The following CERS6 variants were observed in gnomAD, a reference collection of about 807,000 sequenced individuals.
CERS6 encodes the protein ceramide synthase 6.
Under a neutral mutation model 56.8 loss-of-function variants are expected in CERS6, and 26 were observed. The observed-to-expected ratio is 0.46, with a 90% CI of 0.34 to 0.63. CERS6 has a LOEUF of 0.63. Ranked by LOEUF, CERS6 falls within the 30% of genes least tolerant of loss-of-function variation. The probability of loss-of-function intolerance (pLI) is 0.01; values close to 1 mark genes in which losing one functional copy is unlikely to be tolerated. For missense variants in CERS6, 415 were observed against 467.5 expected (o/e 0.89, Z 1.04); for synonymous variants, 164 against 173.3 (o/e 0.95, Z 0.42).
chr2:168,762,372 T>C (rs1425616398), intron 8 of CERS6, among the ~76,000 whole-genome samples: 1 of 152,148 alleles, frequency 6.6e-6, no homozygotes. Context: ...TCCAGAATAG[T>C]GTTAAATAAT....
rs1322954867 is a variant in CERS6, at chr2:168,601,564, T to G, written c.408-29421T>G. 2.0e-5 allele frequency among the ~76,000 whole-genome samples: 3 copies of G among 152,190 alleles called. No individual in the cohort carries two copies. In the East Asian group the frequency reaches 5.8e-4, roughly 29 times the overall value. Reference sequence around the variant, plus strand: ...CAGTTTCTTGGCCTTATCTTTTTTTTTTTTTGAGACAGTCTCGCTCTGTCG... The same window carrying G: ...CAGTTTCTTGGCCTTATCTTTTTTTGTTTTTGAGACAGTCTCGCTCTGTCG... On this transcript the variant is annotated intron_variant, in intron 3 of 9. Coordinates refer to ENST00000305747, the MANE Select transcript of CERS6 (RefSeq NM_203463.3).
rs188637526 is a variant in CERS6, at chr2:168,521,400, T to C, written c.171-26196T>C. On this transcript the variant is annotated intron_variant, in intron 1 of 9. Coordinates refer to ENST00000305747, the MANE Select transcript of CERS6 (RefSeq NM_203463.3). ...GATAACGCCTACCCTGTAAGCTTGA[T>C]AGATTTGTCATGAGTTGATAGATTT... is the stretch of plus-strand genomic sequence containing the variant. 6.8e-3 allele frequency among the ~76,000 whole-genome samples: 1,034 copies of C among 152,278 alleles called. 9 individuals carry two copies. Among genetic ancestry groups the C allele is most frequent in the Middle Eastern group, 0.017 (5 of 294 alleles).
intron 3 of CERS6, among the ~76,000 whole-genome samples, chr2:168,569,338 A>T (rs1253080417): frequency 6.6e-6 from 1 of 152,190 alleles, no homozygotes; most frequent in African/African-American, 2.4e-5. Context: ...TAGGGCTTCA[A>T]CGTATGTGTT....
At chr2:168,760,743 T>C (rs981723593) in intron 8 of CERS6, among the ~76,000 whole-genome samples, 3 of 123,800 alleles carry the variant, frequency 2.4e-5, no homozygotes, top group East Asian at 4.5e-4. Flanking sequence ...TGTTTGTTTA[T>C]TTATTTATTT....
In CERS6 at chr2:168,525,291, A is replaced by G. The variant is rs535845397; in HGVS notation, c.171-22305A>G. Among the ~76,000 whole-genome samples the G allele has an allele frequency of 8.9e-4, 136 of 152,372 alleles. 1 individual carries two copies. The highest frequency in any genetic ancestry group is 6.2e-3 in the South Asian group (30 of 4,830). On this transcript the variant is annotated intron_variant, in intron 1 of 9. Transcript: ENST00000305747. ...GTTGTTGATTTAGTAGGGCTGGGAC[A>G]GGTCCCCAGAATTTGTATTTTTATC...
intron 1 of CERS6, among the ~76,000 whole-genome samples, chr2:168,535,475 G>A (rs1034980061): frequency 1.6e-4 from 25 of 151,998 alleles, no homozygotes; most frequent in Non-Finnish European, 2.9e-4. Flanking sequence ...CAGGTGGGCC[G>A]CCATACCACA....
At chr2:168,761,014 C>G (rs1337457344) in intron 8 of CERS6, among the ~76,000 whole-genome samples, 1 of 152,158 alleles carries the variant, frequency 6.6e-6, no homozygotes, top group Non-Finnish European at 1.5e-5. Flanking sequence ...GCCTCGGCCT[C>G]CCAAAGTGCT....
At chr2:168,565,048 AT>A (rs1695860307) in intron 3 of CERS6, among the ~76,000 whole-genome samples, 1 of 152,232 alleles carries the variant, frequency 6.6e-6, no homozygotes, top group Non-Finnish European at 1.5e-5. Context: ...CTGCCTTAGC[AT>A]AAAATTTGTC....
chr2:168,555,722 CTGTGTGTGTGTGTGTGTG>C (rs58781728), intron 2 of CERS6, among the ~76,000 whole-genome samples: 9 of 141,012 alleles, frequency 6.4e-5, no homozygotes, highest in South Asian at 2.3e-4. Context: ...ATAATTGACT[CTGTGTGTGTGTGTGTGTG>C]TGTGTGTGTG....
chr2:168,645,137 AT>A (rs1685156746), intron 4 of CERS6, among the ~76,000 whole-genome samples: 1 of 43,922 alleles, frequency 2.3e-5, no homozygotes, highest in Non-Finnish European at 4.0e-5. Context: ...ATATATATAT[AT>A]ATATAGAGAG....
intron 3 of CERS6, among the ~76,000 whole-genome samples, chr2:168,607,731 G>C (rs190371991): frequency 3.9e-5 from 6 of 152,036 alleles, no homozygotes; most frequent in Non-Finnish European, 5.9e-5. Flanking sequence ...GTCTTTTCAG[G>C]GGTTAATAAA....
At chr2:168,743,073 C>G (rs1173125529) in intron 8 of CERS6, among the ~76,000 whole-genome samples, 2 of 151,972 alleles carry the variant, frequency 1.3e-5, no homozygotes, top group Non-Finnish European at 2.9e-5. Flanking sequence ...GCTCCAGAGC[C>G]TCACACTACT....
chr2:168,593,138 T>C (rs1235022887), intron 3 of CERS6, among the ~76,000 whole-genome samples: 2 of 152,226 alleles, frequency 1.3e-5, no homozygotes, highest in Non-Finnish European at 2.9e-5. Flanking sequence ...TTCTGTTGCC[T>C]CCTTTTTTCC....
Position 168,721,360 on chromosome 2 carries a change from CAG to C in CERS6, c.845+3384_845+3385del, listed in dbSNP as rs1187267955. ...TTTTATTTATCCATTCATGAGGTGA[CAG>C]ACTTCAGGATTGTTTCCATTGTTTG... On this transcript the variant is annotated intron_variant, in intron 8 of 9. Coordinates refer to ENST00000305747, the MANE Select transcript of CERS6 (RefSeq NM_203463.3). Among the ~76,000 whole-genome samples the C allele has an allele frequency of 1.3e-5, 2 of 151,952 alleles. 1 individual carries two copies. The highest frequency in any genetic ancestry group is 4.8e-5 in the African/African-American group (2 of 41,334).
intron 6 of CERS6, among the ~76,000 whole-genome samples, chr2:168,698,251 AAAAGAAAAAAAAAAAAAAAAAAAAG>A (rs1686714100): frequency 2.8e-4 from 2 of 7,052 alleles, no homozygotes; most frequent in Non-Finnish European, 2.0e-3. Context: ...AAAAAAAAAA[AAAAGAAAAAAAAAAAAAAAAAAAAG>A]AAACACCTGA....
At chr2:168,505,457 T>C (rs1000506047) in intron 1 of CERS6, among the ~76,000 whole-genome samples, 1 of 144,498 alleles carries the variant, frequency 6.9e-6, no homozygotes. Context: ...CCCTATCAGA[T>C]AGATAGAAGC....
At chr2:168,576,205 T>C (rs1683264973) in intron 3 of CERS6, among the ~76,000 whole-genome samples, 1 of 152,184 alleles carries the variant, frequency 6.6e-6, no homozygotes, top group African/African-American at 2.4e-5. Context: ...GCAGAGTTGA[T>C]GGTCCCCTCA....
chr2:168,520,331 C>T (rs1281851510), intron 1 of CERS6, among the ~76,000 whole-genome samples: 1 of 152,040 alleles, frequency 6.6e-6, no homozygotes, highest in Non-Finnish European at 1.5e-5. Context: ...GGATATTACT[C>T]CTTTGTTGCG....
intron 1 of CERS6, among the ~76,000 whole-genome samples, chr2:168,474,415 A>G (rs1327635087): frequency 6.6e-6 from 1 of 152,134 alleles, no homozygotes; most frequent in African/African-American, 2.4e-5. Context: ...TGCATTGAAA[A>G]CCTTTCAAGA....
Sources: gnomAD v4.1 joint callset for allele counts (sites outside exome capture counted in the v4.1 genomes callset) on GRCh38, gnomAD v4.1.1 for gene constraint, MANE v1.5 for transcripts, NCBI Gene and HGNC (gene_info 2026-07-23, HGNC 2026-07-21) for gene names.